Variants in WDR62 observed in about 807,000 individuals in gnomAD.
The protein encoded by WDR62 is WD repeat-containing protein 62.
A neutral mutation model predicts 160.6 loss-of-function variants in WDR62; 112 were observed. The observed-to-expected ratio is 0.70, with a 90% CI of 0.60 to 0.82. The LOEUF is 0.82. Among genes scored for constraint, WDR62 ranks in the 40% least tolerant of loss-of-function variants. The pLI, the probability that WDR62 is intolerant of heterozygous loss-of-function variation, is 0.00. For synonymous variants in WDR62, 792 were observed against 815.1 expected (o/e 0.97, Z 0.48); for missense variants, 1,819 against 1,983.8 (o/e 0.92, Z 1.58).
Position 36,104,001 on chromosome 19 carries a change from A to G in WDR62, c.4153+20A>G. 6.3e-7 allele frequency: 1 copy of G among 1,597,062 alleles called. No individual in the cohort carries two copies. On this transcript the variant is annotated intron_variant, in intron 30 of 31. Coordinates refer to ENST00000401500, the MANE Select transcript of WDR62 (RefSeq NM_001083961.2). ...CCTCCGGTGAGTACAGCCCTGGAGC[A>G]AGGACTGTCCCCTAAGCTCATCCTG...
In WDR62 at chr19:36,071,412, C is replaced by A; in HGVS notation, c.883-144C>A. On this transcript the variant is annotated intron_variant, in intron 7 of 31. Coordinates refer to ENST00000401500, the MANE Select transcript of WDR62 (RefSeq NM_001083961.2). Reference sequence around the variant, plus strand: ...TATGCTATATCCTGATTTCACAAATCTTAAAATATGCTAAAATGGGTGTCT... The same window carrying A: ...TATGCTATATCCTGATTTCACAAATATTAAAATATGCTAAAATGGGTGTCT... The A allele has an allele frequency of 5.3e-6, 5 of 948,962 alleles. 1 individual carries two copies. The South Asian group carries it at 6.7e-5, about 13-fold the overall frequency. 58.8% of individuals were successfully genotyped at this position (948,962 alleles called of 1,614,324 possible).
rs149153007 is a variant in WDR62 at position 36,084,531 on chromosome 19, A to T, written c.1551-122A>T. Reference sequence around the variant, plus strand: ...GAGAAAAGTGGTTGTGCATGTCTAGAGTATTTGGCCATGATAAGGGGTTCT... The same window carrying T: ...GAGAAAAGTGGTTGTGCATGTCTAGTGTATTTGGCCATGATAAGGGGTTCT... On this transcript the variant is annotated intron_variant, in intron 11 of 31. Coordinates refer to ENST00000401500, the MANE Select transcript of WDR62 (RefSeq NM_001083961.2). The T allele has an allele frequency of 3.3e-3, 2,855 of 856,336 alleles. 40 individuals are homozygous for T. The highest frequency in any genetic ancestry group is 0.02 in the South Asian group (1,435 of 72,590). 53.0% of individuals were successfully genotyped at this position (856,336 alleles called of 1,614,324 possible).
intron 5 of WDR62, among the ~76,000 whole-genome samples, 181 bp downstream of exon 5, chr19:36,066,608 T>TAGA (rs1970956906): frequency 6.6e-6 from 1 of 152,260 alleles, no homozygotes; most frequent in Non-Finnish European, 1.5e-5. Context: ...GGCTCCCAGC[T>TAGA]AGAAGCATTA....
At chr19:36,095,623 A>G (rs1196213943) in intron 20 of WDR62, among the ~76,000 whole-genome samples, 1 of 152,194 alleles carries the variant, frequency 6.6e-6, no homozygotes, top group African/African-American at 2.4e-5. Flanking sequence ...GTGAAACCCC[A>G]TGTCTGCTAA....
intron 1 of WDR62, 52 bp downstream of exon 1, chr19:36,055,200 C>A: frequency 6.4e-7 from 1 of 1,556,670 alleles, no homozygotes; most frequent in South Asian, 1.2e-5. Context: ...CTAGGTTTCC[C>A]CTAGTCCCGT....
At position 36,073,546 on chromosome 19, in the gene WDR62, C is replaced by G. The variant is rs554017479; in HGVS notation, c.1233+15C>G. 61 of 1,521,244 alleles carry G rather than the reference C, an allele frequency of 4.0e-5. No individual in the cohort carries two copies. Among genetic ancestry groups the G allele is most frequent in the South Asian group, 2.7e-4 (24 of 88,232 alleles). 94.2% of individuals were successfully genotyped at this position (1,521,244 alleles called of 1,614,324 possible). Reference sequence around the variant, plus strand: ...GGAACGTGGAGGTGAGCCCCCCCCCCACCCCCTTGCCCCTGCTTGGCCTCT... The same window carrying G: ...GGAACGTGGAGGTGAGCCCCCCCCCGACCCCCTTGCCCCTGCTTGGCCTCT... On this transcript the variant is annotated intron_variant, in intron 9 of 31. Transcript: ENST00000401500.
rs1225824165 is a variant in WDR62, at chr19:36,067,683, C to A, written c.700-145C>A. The A allele has an allele frequency of 2.8e-6, 3 of 1,080,482 alleles. No individual in the cohort carries two copies. The African/African-American group carries it at 4.7e-5, about 17-fold the overall frequency. 66.9% of individuals were successfully genotyped at this position (1,080,482 alleles called of 1,614,324 possible). On this transcript the variant is annotated intron_variant, in intron 6 of 31. Coordinates refer to ENST00000401500, the MANE Select transcript of WDR62 (RefSeq NM_001083961.2). ...ACTGCTGCTGTCCAGCCCCTCTGTCCAGAGTGGCAGGGTTCTAGTGTTTTC... is the reference window on the plus strand; with the variant it reads ...ACTGCTGCTGTCCAGCCCCTCTGTCAAGAGTGGCAGGGTTCTAGTGTTTTC...
rs138968577 is a variant in WDR62, at chr19:36,055,933, C to A, written c.177+785C>A. ...TCTGTAATCCCAGCACTTTGGGAGG[C>A]CAAGGTGGGCTGTTCACCTGAGATC... On this transcript the variant is annotated intron_variant, in intron 1 of 31. Transcript: ENST00000401500. 6.7e-3 allele frequency among the ~76,000 whole-genome samples: 1,022 copies of A among 152,266 alleles called. 14 individuals are homozygous for A. The highest frequency in any genetic ancestry group is 0.024 in the African/African-American group (982 of 41,532).
In WDR62 at chr19:36,101,242, G is replaced by A. The variant is rs587784550; in HGVS notation, c.2896G>A (p.Gly966Arg). The A allele has an allele frequency of 2.7e-5, 43 of 1,612,992 alleles. No individual in the cohort carries two copies. Among genetic ancestry groups the A allele is most frequent in the South Asian group, 7.7e-5 (7 of 90,678 alleles). Reference sequence around the variant, plus strand: ...GTATTGCAGGAAGGAGGTGGAGGCCGGGCCTGGAGACCAGCAGGGCGACTC... The same window carrying A: ...GTATTGCAGGAAGGAGGTGGAGGCCAGGCCTGGAGACCAGCAGGGCGACTC... ...SQYCRKEVEA[G>R]PGDQQGDSYL... Residue 966 changes from glycine (G) to arginine (R), a missense_variant, in exon 24 of 32, where the codon GGG becomes AGG. Coordinates refer to ENST00000401500, the MANE Select transcript of WDR62 (RefSeq NM_001083961.2).
At chr19:36,077,959 A>G (rs117225732) in intron 9 of WDR62, among the ~76,000 whole-genome samples, 69 of 152,268 alleles carry the variant, frequency 4.5e-4, no homozygotes, top group Non-Finnish European at 8.2e-4. Context: ...TTCACTTAGC[A>G]TAATGTTTTC....
intron 9 of WDR62, among the ~76,000 whole-genome samples, chr19:36,080,389 C>T (rs998710181): frequency 6.6e-6 from 1 of 152,056 alleles, no homozygotes; most frequent in African/African-American, 2.4e-5. Context: ...GCTGGGATTA[C>T]AGGCGGGAGC....
Position 36,101,793 on chromosome 19 carries a change from C to A in WDR62, c.3082+19C>A. On this transcript the variant is annotated intron_variant, in intron 25 of 31. Transcript: ENST00000401500. The stretch of plus-strand genomic sequence containing the variant: ...TTCCCAGGTAAGCAGGGGCCAGACA[C>A]GCAGGGGACTCGCTGCTCGGGCCTG... 1 of 1,544,488 alleles carries A rather than the reference C, an allele frequency of 6.5e-7. No homozygotes were observed. The highest frequency in any genetic ancestry group is 8.8e-7 in the Non-Finnish European group (1 of 1,140,810).
At position 36,055,052 on chromosome 19, in the gene WDR62, G is replaced by A; in HGVS notation, c.81G>A (p.Ala27=). Residue 27 remains alanine, a synonymous_variant, in exon 1 of 32, where the codon GCG becomes GCA. Coordinates refer to ENST00000401500, the MANE Select transcript of WDR62 (RefSeq NM_001083961.2). ...CCTCTGTCATGGCGGGAGTTCCGGC[G>A]CGGAGGGGCCAGTCCTCCCCGCCCC... is the stretch of plus-strand genomic sequence containing the variant. The part of the protein sequence containing the change: ...KLPSVMAGVP[A]RRGQSSPPPA... The A allele has an allele frequency of 1.3e-6, 2 of 1,590,194 alleles. No individual in the cohort carries two copies. The highest frequency in any genetic ancestry group is 1.7e-6 in the Non-Finnish European group (2 of 1,169,900).
chr19:36,110,433 T>G, the WDR62 span, among the ~76,000 whole-genome samples: 1 of 152,010 alleles, frequency 6.6e-6, no homozygotes, highest in Non-Finnish European at 1.5e-5. Context: ...ATGGTGCCAC[T>G]GCACTCCAGC....
intron 9 of WDR62, chr19:36,075,274 TC>T (rs1358701632): frequency 2.0e-5 from 3 of 152,234 alleles, no homozygotes; most frequent in South Asian, 4.1e-4. Flanking sequence ...CCTCAGGTGA[TC>T]CGCCTGCCTT....
At chr19:36,062,952 A>ATT (rs59704929) in intron 3 of WDR62, among the ~76,000 whole-genome samples, 8 of 146,352 alleles carry the variant, frequency 5.5e-5, no homozygotes, top group African/African-American at 1.0e-4. Context: ...GGATCTTGAC[A>ATT]TTTTTTTTTT....
chr19:36,074,304 G>GA (rs200574571), intron 9 of WDR62: 22,096 of 142,110 alleles, frequency 0.16, 1,860 homozygotes, highest in East Asian at 0.3. Flanking sequence ...ACCATGTCTA[G>GA]GAAAAAAAAA....
At chr19:36,057,732 G>A (rs1393471378) in intron 1 of WDR62, among the ~76,000 whole-genome samples, 1 of 152,138 alleles carries the variant, frequency 6.6e-6, no homozygotes, top group Non-Finnish European at 1.5e-5. Flanking sequence ...GGCCAGGATG[G>A]TCTCAAACTC....
At chr19:36,089,879 C>G (rs1193959338) in intron 15 of WDR62, among the ~76,000 whole-genome samples, 3 of 152,228 alleles carry the variant, frequency 2.0e-5, no homozygotes, top group Non-Finnish European at 2.9e-5. Context: ...CCCTCATTCA[C>G]CCGTATTCCC....
Sources: allele counts gnomAD v4.1 joint callset (sites outside exome capture counted in the v4.1 genomes callset), GRCh38; gene constraint gnomAD v4.1.1; transcripts MANE v1.5; gene names NCBI Gene and HGNC (gene_info 2026-07-23, HGNC 2026-07-21).